ZNF430: variants seen among roughly 807,000 people sequenced by gnomAD.
ZNF430 encodes zinc finger protein 430.
ZNF430 carries 35 observed loss-of-function variants against 56.7 expected under a neutral mutation model. That is an observed-to-expected ratio of 0.62 (90% CI 0.47 to 0.82). The LOEUF is 0.82. Among genes scored for constraint, ZNF430 ranks in the 40% least tolerant of loss-of-function variants. The pLI is 0.00. For synonymous variants in ZNF430, 212 were observed against 224.3 expected, an observed-to-expected ratio of 0.94 and a Z score of 0.49; for missense variants, 574 against 661.0, an observed-to-expected ratio of 0.87 and a Z score of 1.44.
rs1426634758 is a variant in ZNF430 at position 21,035,266 on chromosome 19, A to T, written c.322+1082A>T. 2.0e-5 allele frequency: 3 copies of T among 152,174 alleles called. No individual in the cohort carries two copies. The East Asian group carries it at 5.8e-4, about 29-fold the overall frequency. 9.4% of individuals were successfully genotyped at this position (152,174 alleles called of 1,614,324 possible). A position where few individuals can be genotyped will look rare whatever the true frequency, so the allele number is the denominator to read the frequency against. ...TAATAACATATCTTTCGTTGTAAAG[A>T]TTTTTTACTTCCTTGTTCTCAGAAA... is the stretch of plus-strand genomic sequence containing the variant. On this transcript the variant is annotated intron_variant, in intron 4 of 4. Coordinates refer to ENST00000261560, the MANE Select transcript of ZNF430 (RefSeq NM_025189.4).
chr19:21,046,888 A>G (rs1968192929), intron 4 of ZNF430, among the ~76,000 whole-genome samples: 1 of 152,100 alleles, frequency 6.6e-6, no homozygotes, highest in Non-Finnish European at 1.5e-5. Flanking sequence ...CTTTCTTGTT[A>G]GGTTGGAAAA....
chr19:21,049,173 C>CAAAAAAAAAAAAAAAAAAA (rs746043747), intron 4 of ZNF430, among the ~76,000 whole-genome samples: 2 of 65,256 alleles, frequency 3.1e-5, no homozygotes, highest in Non-Finnish European at 4.9e-5. Flanking sequence ...GACTCCATCT[C>CAAAAAAAAAAAAAAAAAAA]AAAAAAAAAA....
At chr19:21,023,731 C>T (rs1380949043) in intron 2 of ZNF430, among the ~76,000 whole-genome samples, 1 of 151,950 alleles carries the variant, frequency 6.6e-6, no homozygotes, top group East Asian at 1.9e-4. Flanking sequence ...GTTTCTCTCT[C>T]TGCAGGGTAA....
intron 4 of ZNF430, among the ~76,000 whole-genome samples, chr19:21,045,106 CT>C (rs1473143869): frequency 6.6e-6 from 1 of 152,032 alleles, no homozygotes; most frequent in Non-Finnish European, 1.5e-5. Flanking sequence ...TATGTCTTGT[CT>C]TCTGTTAGCT....
intron 4 of ZNF430, 21 bp downstream of exon 4, chr19:21,034,205 C>T: frequency 6.7e-7 from 1 of 1,488,712 alleles, no homozygotes; most frequent in Admixed American, 1.9e-5. Context: ...GTGAACACAA[C>T]AGACGACATG....
rs1351246931 is a variant in ZNF430, at chr19:21,059,843, C to A, written c.*1822C>A. On this transcript the variant is annotated 3_prime_UTR_variant, in exon 5 of 5. Coordinates refer to ENST00000261560, the MANE Select transcript of ZNF430 (RefSeq NM_025189.4). ...GATCTTTTCTATGAAAGAGTAAGGA[C>A]ATTAAAATGTAAGATGCATGATGAA... 1 of 151,938 alleles carries A rather than the reference C, an allele frequency of 6.6e-6. No homozygotes were observed. Among genetic ancestry groups the A allele is most frequent in the African/African-American group, 2.4e-5 (1 of 41,358 alleles). 9.4% of individuals were successfully genotyped at this position (151,938 alleles called of 1,614,324 possible).
At chr19:21,029,126 A>G (rs574971559) in intron 2 of ZNF430, among the ~76,000 whole-genome samples, 2 of 152,322 alleles carry the variant, frequency 1.3e-5, no homozygotes, top group Middle Eastern at 3.4e-3. Flanking sequence ...TTCATTTTAT[A>G]TGGCCATTCA....
At chr19:21,031,489 G>A (rs1967900567) in intron 2 of ZNF430, among the ~76,000 whole-genome samples, 1 of 152,076 alleles carries the variant, frequency 6.6e-6, no homozygotes, top group Admixed American at 6.6e-5. Flanking sequence ...GCAGAGGAGG[G>A]CACCTAAGGA....
chr19:21,034,904 C>T (rs1718079246), intron 4 of ZNF430: 1 of 152,082 alleles, frequency 6.6e-6, no homozygotes, highest in Middle Eastern at 3.2e-3. Context: ...GTTTCTGTTC[C>T]ACTGTTTTTT....
rs769236148 is a variant in ZNF430 at position 21,057,531 on chromosome 19, A to G, written c.1223A>G (p.Lys408Arg). The G allele has an allele frequency of 3.7e-6, 6 of 1,613,290 alleles. No individual in the cohort carries two copies. Among genetic ancestry groups the G allele is most frequent in the Non-Finnish European group, 5.1e-6 (6 of 1,179,938 alleles). ...TTCTACAAATGTGAAGAATGTGGCA[A>G]AGGCTTTAATTGGTCCTCGACCCTT... ...EKFYKCEECG[K>R]GFNWSSTLTK... The change falls in exon 5 of 5, where the codon AAA (lysine) becomes AGA (arginine). Residue 408 changes from lysine (K) to arginine (R), a missense_variant. Transcript: ENST00000261560.
At chr19:21,042,147 T>A (rs1313228671) in intron 4 of ZNF430, among the ~76,000 whole-genome samples, 1 of 152,218 alleles carries the variant, frequency 6.6e-6, no homozygotes, top group Admixed American at 6.5e-5. Flanking sequence ...CTCTTATTCT[T>A]TTTTATGGTT....
At chr19:21,052,736 C>T (rs1379251484) in intron 4 of ZNF430, among the ~76,000 whole-genome samples, 3 of 151,990 alleles carry the variant, frequency 2.0e-5, no homozygotes, top group African/African-American at 7.3e-5. Context: ...CCTTTTTTGT[C>T]ATTAGATTTT....
intron 4 of ZNF430, among the ~76,000 whole-genome samples, chr19:21,046,405 A>C (rs1449384897): frequency 6.6e-6 from 1 of 151,018 alleles, no homozygotes; most frequent in African/African-American, 2.4e-5. Context: ...TATTTTGAAG[A>C]CTCTTTGATG....
intron 4 of ZNF430, among the ~76,000 whole-genome samples, chr19:21,040,304 A>G (rs1255486046): frequency 6.6e-6 from 1 of 152,214 alleles, no homozygotes; most frequent in Non-Finnish European, 1.5e-5. Context: ...CTCATGCTGC[A>G]ATGTAATACA....
chr19:21,055,309 A>G (rs377690157), intron 4 of ZNF430, among the ~76,000 whole-genome samples: 5 of 152,160 alleles, frequency 3.3e-5, no homozygotes, highest in African/African-American at 9.7e-5. Flanking sequence ...TTGTCCTGGC[A>G]TAGTCTGGAC....
chr19:21,034,407 C>T, intron 4 of ZNF430: 1 of 387,474 alleles, frequency 2.6e-6, no homozygotes, highest in East Asian at 4.0e-5. Flanking sequence ...AGTTTGCTAT[C>T]AGAACCAAAG....
Position 21,030,943 on chromosome 19 carries a change from C to T in ZNF430, c.97-2513C>T, listed in dbSNP as rs943501962. Among the ~76,000 whole-genome samples, 49 of 152,120 alleles carry T rather than the reference C, an allele frequency of 3.2e-4. 1 individual carries two copies. Among genetic ancestry groups the T allele is most frequent in the Non-Finnish European group, 1.6e-4 (11 of 67,976 alleles). On this transcript the variant is annotated intron_variant, in intron 2 of 4. Transcript: ENST00000261560. ...TGTCACCCAGTCTGGAGTGCAATGG[C>T]ATAATCTCGGCTCAGTGAAACCTCC... is the stretch of plus-strand genomic sequence containing the variant.
intron 4 of ZNF430, among the ~76,000 whole-genome samples, chr19:21,037,046 C>T (rs980066047): frequency 4.1e-5 from 6 of 145,262 alleles, no homozygotes; most frequent in African/African-American, 1.5e-4. Flanking sequence ...TCCATCATTT[C>T]GTTACTGGCT....
At chr19:21,033,841 A>G in intron 3 of ZNF430, 2 of 524,428 alleles carry the variant, frequency 3.8e-6, no homozygotes, top group South Asian at 7.0e-5. Context: ...GTGGCATAAA[A>G]TATTGTTGCC....
Sources: allele counts gnomAD v4.1 joint callset (sites outside exome capture counted in the v4.1 genomes callset), GRCh38; gene constraint gnomAD v4.1.1; transcripts MANE v1.5; gene names NCBI Gene and HGNC (gene_info 2026-07-23, HGNC 2026-07-21).